Variants in MET observed in about 807,000 individuals in gnomAD.
The protein encoded by MET is MET proto-oncogene, receptor tyrosine kinase, also known as hepatocyte growth factor receptor.
MET carries 48 observed loss-of-function variants against 133.1 expected under a neutral mutation model. That is an observed-to-expected ratio of 0.36 (90% CI 0.29 to 0.46). MET has a LOEUF of 0.46. MET is among the 20% of genes least tolerant of loss of function. The pLI is 1.00. For synonymous variants in MET, 628 were observed against 616.5 expected (o/e 1.02, Z -0.28); for missense variants, 1,442 against 1,695.9 (o/e 0.85, Z 2.63).
At chr7:116,690,824 C>A (rs2299433) in intron 1 of MET, among the ~76,000 whole-genome samples, 2 of 151,932 alleles carry the variant, frequency 1.3e-5, no homozygotes, top group Non-Finnish European at 2.9e-5. Context: ...TAGTCAAGTA[C>A]GTGGCATGCA....
At position 116,791,655 on chromosome 7, in the gene MET, C is replaced by CTT; in HGVS notation, c.3799-3997_3799-3996dup. On this transcript the variant is annotated intron_variant, in intron 19 of 20. Coordinates refer to ENST00000397752, the MANE Select transcript of MET (RefSeq NM_000245.4). The stretch of plus-strand genomic sequence containing the variant: ...ATACAAGCATATCTTATGCGATACA[C>CTT]TTTTGCCAATGCATTTTTTTTTCTT... Among the ~76,000 whole-genome samples, 2 of 152,134 alleles carry CTT rather than the reference C, an allele frequency of 1.3e-5. 1 individual carries two copies. Among genetic ancestry groups the CTT allele is most frequent in the South Asian group, 4.2e-4 (2 of 4,818 alleles).
chr7:116,717,972 T>C (rs1471923598), intron 2 of MET, among the ~76,000 whole-genome samples: 1 of 152,180 alleles, frequency 6.6e-6, no homozygotes, highest in East Asian at 1.9e-4. Context: ...AAAGGAAGAC[T>C]AGATTAATTG....
chr7:116,695,815 A>C, intron 1 of MET: 1 of 482,486 alleles, frequency 2.1e-6, no homozygotes, highest in Non-Finnish European at 4.3e-6. Flanking sequence ...CACTCAATAC[A>C]TGTTCTTGTT....
chr7:116,769,410 A>T (rs1203803458), intron 11 of MET, among the ~76,000 whole-genome samples: 1 of 152,164 alleles, frequency 6.6e-6, no homozygotes, highest in Non-Finnish European at 1.5e-5. Flanking sequence ...CCTTTTCTTT[A>T]AGGTCCAATT....
intron 6 of MET, among the ~76,000 whole-genome samples, 191 bp from the exon 7 acceptor site, chr7:116,757,246 A>G (rs1794211945): frequency 6.6e-6 from 1 of 152,164 alleles, no homozygotes; most frequent in Non-Finnish European, 1.5e-5. Context: ...TTACATAAAA[A>G]TAAAAGTTAA....
intron 5 of MET, among the ~76,000 whole-genome samples, chr7:116,751,428 G>A (rs1056135900): frequency 3.3e-5 from 5 of 152,124 alleles, no homozygotes; most frequent in East Asian, 1.9e-4. Flanking sequence ...GTCGGGTGGC[G>A]GGGGTCTAGG....
Position 116,764,022 on chromosome 7 carries a change from A to G in MET, c.2583+754A>G, listed in dbSNP as rs577438837. Among the ~76,000 whole-genome samples, 10 of 152,336 alleles carry G rather than the reference A, an allele frequency of 6.6e-5. No individual in the cohort carries two copies. The East Asian group carries it at 1.9e-3, about 29-fold the overall frequency. On this transcript the variant is annotated intron_variant, in intron 11 of 20. Coordinates refer to ENST00000397752, the MANE Select transcript of MET (RefSeq NM_000245.4). The stretch of plus-strand genomic sequence containing the variant: ...TTATCCTTCAACATGTTGTTAAAAC[A>G]TTTAGAATTTTTTTTCCTGAAAGAT...
intron 1 of MET, among the ~76,000 whole-genome samples, chr7:116,676,731 G>A (rs549496549): frequency 3.3e-5 from 5 of 152,180 alleles, no homozygotes; most frequent in Non-Finnish European, 7.4e-5. Context: ...AGTGAGCCAG[G>A]CGCATATGAG....
intron 1 of MET, among the ~76,000 whole-genome samples, chr7:116,690,078 A>G (rs999758797): frequency 2.0e-5 from 3 of 152,136 alleles, no homozygotes; most frequent in African/African-American, 7.2e-5. Context: ...AAAGTGATGA[A>G]ACAGTCACCA....
At chr7:116,679,050 G>A (rs938403137) in intron 1 of MET, among the ~76,000 whole-genome samples, 1 of 152,166 alleles carries the variant, frequency 6.6e-6, no homozygotes. Context: ...ACTTTTTAAA[G>A]TCCTTGTTTA....
chr7:116,735,633 G>C (rs190896373), intron 3 of MET, among the ~76,000 whole-genome samples: 2 of 152,240 alleles, frequency 1.3e-5, no homozygotes, highest in East Asian at 3.9e-4. Flanking sequence ...CACAGCTGAA[G>C]GAAGCTTCAA....
intron 5 of MET, among the ~76,000 whole-genome samples, chr7:116,752,209 TCTA>T (rs1793950499): frequency 6.6e-6 from 1 of 152,244 alleles, no homozygotes; most frequent in South Asian, 2.1e-4. Flanking sequence ...ATTTGTGAGT[TCTA>T]CTAAAGAGGA....
chr7:116,794,009 G>A (rs1417002950), intron 19 of MET, among the ~76,000 whole-genome samples: 1 of 149,824 alleles, frequency 6.7e-6, no homozygotes, highest in Non-Finnish European at 1.5e-5. Context: ...ATAAAACAAA[G>A]TCTCCCTGTT....
intron 1 of MET, among the ~76,000 whole-genome samples, chr7:116,691,337 TTAAAG>T (rs1247053898): frequency 6.6e-6 from 1 of 152,182 alleles, no homozygotes. Context: ...AGTGAAATAT[TTAAAG>T]TAATTATTCA....
At chr7:116,755,190 T>C (rs1794131303) in intron 5 of MET, among the ~76,000 whole-genome samples, 165 bp from the exon 6 acceptor site, 1 of 152,232 alleles carries the variant, frequency 6.6e-6, no homozygotes, top group Non-Finnish European at 1.5e-5. Context: ...GCTCTGAAAT[T>C]TGTGACCCTT....
intron 2 of MET, among the ~76,000 whole-genome samples, chr7:116,711,325 G>C (rs558008526): frequency 6.6e-6 from 1 of 152,192 alleles, no homozygotes; most frequent in South Asian, 2.1e-4. Flanking sequence ...TCATTAACCT[G>C]TGTTGACTTT....
chr7:116,773,360 G>A (rs1363453444), intron 14 of MET, among the ~76,000 whole-genome samples: 2 of 152,152 alleles, frequency 1.3e-5, no homozygotes, highest in African/African-American at 4.8e-5. Context: ...TGACATCAGG[G>A]TGGCACACTG....
In MET at chr7:116,795,959, G is replaced by T. The variant is rs373857586; in HGVS notation, c.4008G>T (p.Arg1336=). 6 of 1,614,106 alleles carry T rather than the reference G, an allele frequency of 3.7e-6. No homozygotes were observed. Among genetic ancestry groups the T allele is most frequent in the Non-Finnish European group, 5.1e-6 (6 of 1,179,994 alleles). Residue 1336 remains arginine, a synonymous_variant, in exon 21 of 21, where the codon CGG becomes CGT. Coordinates refer to ENST00000397752, the MANE Select transcript of MET (RefSeq NM_000245.4). ...CATCCTTTTCTGAACTGGTGTCCCG[G>T]ATATCAGCGATCTTCTCTACTTTCA... The part of the protein sequence containing the change: ...MRPSFSELVS[R]ISAIFSTFIG...
At chr7:116,766,165 G>A (rs1794621151) in intron 11 of MET, among the ~76,000 whole-genome samples, 1 of 152,090 alleles carries the variant, frequency 6.6e-6, no homozygotes, top group Non-Finnish European at 1.5e-5. Context: ...GACTTTTTAT[G>A]CATGAGCATA....
Sources: gnomAD v4.1 joint callset for allele counts (sites outside exome capture counted in the v4.1 genomes callset) on GRCh38, gnomAD v4.1.1 for gene constraint, MANE v1.5 for transcripts, NCBI Gene and HGNC (gene_info 2026-07-23, HGNC 2026-07-21) for gene names.